Variants in CRACR2A observed in about 807,000 individuals in gnomAD.
CRACR2A encodes the protein EF-hand calcium-binding domain-containing protein 4B.
Under a neutral mutation model 90.5 loss-of-function variants are expected in CRACR2A, and 79 were observed. The ratio of observed to expected loss-of-function variants is 0.87; its 90% CI spans 0.73 to 1.05. CRACR2A has a LOEUF of 1.05. Ranked by LOEUF, CRACR2A falls within the 50% of genes least tolerant of loss-of-function variation. CRACR2A has a pLI of 0.00. For missense variants in CRACR2A, 823 were observed against 897.2 expected, an observed-to-expected ratio of 0.92 and a Z score of 1.06; for synonymous variants, 338 against 356.7, an observed-to-expected ratio of 0.95 and a Z score of 0.59.
intron 3 of CRACR2A, among the ~76,000 whole-genome samples, chr12:3,700,697 G>C (rs965349128): frequency 6.6e-6 from 1 of 152,174 alleles, no homozygotes; most frequent in African/African-American, 2.4e-5. Context: ...TAATAGCAGA[G>C]CTTCAAAATA....
At chr12:3,679,155 C>T in intron 5 of CRACR2A, 57 bp from the exon 6 acceptor site, 1 of 1,463,196 alleles carries the variant, frequency 6.8e-7, no homozygotes, top group Non-Finnish European at 9.2e-7. Flanking sequence ...AGGAAGAGCT[C>T]AGCTTTCTCA....
At chr12:3,645,566 A>C (rs1290386800) in intron 11 of CRACR2A, among the ~76,000 whole-genome samples, 1 of 152,196 alleles carries the variant, frequency 6.6e-6, no homozygotes, top group African/African-American at 2.4e-5. Context: ...TCAGTTTTCA[A>C]AGGATCCCTC....
chr12:3,669,525 CA>C (rs71061126), intron 7 of CRACR2A, among the ~76,000 whole-genome samples: 30,748 of 152,164 alleles, frequency 0.2, 3,843 homozygotes, highest in East Asian at 0.43. Context: ...GAAATTTCTT[CA>C]ACCTCTGTGC....
intron 17 of CRACR2A, among the ~76,000 whole-genome samples, chr12:3,625,265 G>A (rs1366080625): frequency 5.3e-5 from 8 of 151,926 alleles, no homozygotes; most frequent in African/African-American, 1.2e-4. Flanking sequence ...TTTCAGCCCC[G>A]TCCCACAAAG....
Position 3,662,668 on chromosome 12 carries a change from G to A in CRACR2A, c.672-3014C>T, listed in dbSNP as rs138346559. 2.7e-3 allele frequency among the ~76,000 whole-genome samples: 404 copies of A among 152,308 alleles called. 2 individuals are homozygous for A. The highest frequency in any genetic ancestry group is 8.9e-3 in the African/African-American group (370 of 41,562). ...CTGATGCAATTGGGAAGATGAAGAA[G>A]AAATAACTCAGTCAATAAAAGTGCC... On this transcript the variant is annotated intron_variant, in intron 7 of 19. Coordinates refer to ENST00000440314, the MANE Select transcript of CRACR2A (RefSeq NM_001144958.2).
chr12:3,736,703 G>T (rs766414698), intron 1 of CRACR2A, among the ~76,000 whole-genome samples: 17 of 152,188 alleles, frequency 1.1e-4, no homozygotes, highest in Non-Finnish European at 2.1e-4. Flanking sequence ...AGGCTCAGAA[G>T]CAGTGCTTAG....
At position 3,673,458 on chromosome 12, in the gene CRACR2A, C is replaced by T; in HGVS notation, c.659G>A (p.Cys220Tyr). The T allele has an allele frequency of 6.2e-7, 1 of 1,612,092 alleles. No individual in the cohort carries two copies. The highest frequency in any genetic ancestry group is 1.1e-5 in the South Asian group (1 of 90,564). ...EAHEEKNELE[C>Y]ALKRKIAAYD... ...CTGGGGTACCCACCTTTTTAGGGCA[C>T]ACTCCAGTTCATTCTTCTCCTCATG... Residue 220 changes from cysteine (C) to tyrosine (Y), a missense_variant, in exon 7 of 20, where the codon TGT (cysteine) becomes TAT (tyrosine). Coordinates refer to ENST00000440314, the MANE Select transcript of CRACR2A (RefSeq NM_001144958.2).
In CRACR2A at chr12:3,700,089, T is replaced by C. The variant is rs187091706; in HGVS notation, c.-36-3054A>G. Among the ~76,000 whole-genome samples the C allele has an allele frequency of 5.9e-5, 9 of 152,296 alleles. No homozygotes were observed. In the South Asian group the frequency reaches 1.2e-3, roughly 21 times the overall value. On this transcript the variant is annotated intron_variant, in intron 3 of 19. Transcript: ENST00000440314. ...ATCCTTAAGCAGGGGCAGGACTATA[T>C]TGAGCTGAGTGAAGCCCCTACCGAA...
chr12:3,624,320 G>C (rs541082370), intron 17 of CRACR2A, among the ~76,000 whole-genome samples: 16 of 152,342 alleles, frequency 1.1e-4, no homozygotes, highest in African/African-American at 3.4e-4. Flanking sequence ...AGGCGAGGGA[G>C]TTGGTAAAGT....
At chr12:3,672,693 G>A (rs2137573820) in intron 7 of CRACR2A, 1 of 901,906 alleles carries the variant, frequency 1.1e-6, no homozygotes, top group Non-Finnish European at 1.3e-6. Context: ...TGAAGGGACT[G>A]GTGTCTAGTG....
intron 12 of CRACR2A, among the ~76,000 whole-genome samples, chr12:3,643,894 A>T (rs1333068036): frequency 1.1e-5 from 1 of 88,024 alleles, no homozygotes; most frequent in Non-Finnish European, 2.3e-5. Flanking sequence ...ATTAATATAT[A>T]ATATATATTA....
At chr12:3,737,470 T>C (rs767941858) in intron 1 of CRACR2A, among the ~76,000 whole-genome samples, 12 of 152,276 alleles carry the variant, frequency 7.9e-5, no homozygotes, top group Non-Finnish European at 1.3e-4. Flanking sequence ...ATGATCTGAT[T>C]TGCATTTTTA....
chr12:3,620,602 A>G (rs1465067981), intron 17 of CRACR2A, among the ~76,000 whole-genome samples: 2 of 152,232 alleles, frequency 1.3e-5, no homozygotes, highest in South Asian at 2.1e-4. Flanking sequence ...GAGAATCAAA[A>G]AGAACATTCA....
At chr12:3,715,424 G>A (rs1021786125) in intron 2 of CRACR2A, among the ~76,000 whole-genome samples, 6 of 152,138 alleles carry the variant, frequency 3.9e-5, no homozygotes, top group Admixed American at 3.3e-4. Context: ...AGTCTCAAAG[G>A]GTGTATGTTT....
intron 4 of CRACR2A, among the ~76,000 whole-genome samples, chr12:3,694,247 C>A (rs1157951050): frequency 6.6e-6 from 1 of 152,224 alleles, no homozygotes; most frequent in Non-Finnish European, 1.5e-5. Context: ...GCCAGCACCC[C>A]ATTCCATTTT....
At chr12:3,699,402 T>C (rs1379288976) in intron 3 of CRACR2A, among the ~76,000 whole-genome samples, 2 of 152,218 alleles carry the variant, frequency 1.3e-5, no homozygotes, top group Non-Finnish European at 2.9e-5. Flanking sequence ...ACATGGTCCC[T>C]GCCCTTAATG....
At position 3,685,983 on chromosome 12, in the gene CRACR2A, G is replaced by C. The variant is rs1420161157; in HGVS notation, c.229-5634C>G. On this transcript the variant is annotated intron_variant, in intron 4 of 19. Coordinates refer to ENST00000440314, the MANE Select transcript of CRACR2A (RefSeq NM_001144958.2). ...GGCACATACACAGTGCATTTCCAGG[G>C]ATTTCCAGGTCCCAGTCTCAGGGCT... 2.0e-5 allele frequency among the ~76,000 whole-genome samples: 3 copies of C among 152,180 alleles called. No individual in the cohort carries two copies. In the East Asian group the frequency reaches 5.8e-4, roughly 29 times the overall value.
chr12:3,662,786 C>T (rs898369528), intron 7 of CRACR2A, among the ~76,000 whole-genome samples: 6 of 152,178 alleles, frequency 3.9e-5, no homozygotes, highest in South Asian at 4.1e-4. Context: ...AGTGGCTGCG[C>T]GGGCAGTGGC....
chr12:3,718,677 A>G (rs76762693), intron 2 of CRACR2A, among the ~76,000 whole-genome samples: 1,599 of 152,360 alleles, frequency 0.01, 18 homozygotes, highest in Middle Eastern at 0.017. Context: ...ATGTTATTAC[A>G]ATGAATTTCA....
Sources: allele counts gnomAD v4.1 joint callset (sites outside exome capture counted in the v4.1 genomes callset), GRCh38; gene constraint gnomAD v4.1.1; transcripts MANE v1.5; gene names NCBI Gene and HGNC (gene_info 2026-07-23, HGNC 2026-07-21).